Variants in CHD9 observed in about 807,000 individuals in gnomAD.
The protein encoded by CHD9 is chromodomain helicase DNA binding protein 9.
A neutral mutation model predicts 316.1 loss-of-function variants in CHD9; 77 were observed. The observed-to-expected ratio is 0.24, with a 90% CI of 0.20 to 0.29. The LOEUF is 0.29. CHD9 is among the 10% of genes least tolerant of loss of function. The pLI, the probability that CHD9 is intolerant of heterozygous loss-of-function variation, is 1.00. For synonymous variants in CHD9, 1,129 were observed against 1,158.3 expected (o/e 0.97, Z 0.51); for missense variants, 2,763 against 3,438.1 (o/e 0.80, Z 4.91).
chr16:53,118,587 G>T (rs1023231434), intron 1 of CHD9, among the ~76,000 whole-genome samples: 1 of 151,910 alleles, frequency 6.6e-6, no homozygotes, highest in East Asian at 1.9e-4. Flanking sequence ...ATATAACCTA[G>T]AATTAATTTT....
chr16:53,179,270 C>T (rs993646503), intron 2 of CHD9, among the ~76,000 whole-genome samples: 4 of 151,584 alleles, frequency 2.6e-5, no homozygotes, highest in Non-Finnish European at 5.9e-5. Flanking sequence ...TCTATATCAT[C>T]TAAAACCTAA....
intron 36 of CHD9, 33 bp from the exon 37 acceptor site, chr16:53,318,179 C>T: frequency 6.4e-7 from 1 of 1,572,284 alleles, no homozygotes; most frequent in East Asian, 2.3e-5. Context: ...CAGTTAAAGA[C>T]TTTAAAGATA....
At chr16:53,154,636 A>G (rs1404493205) in intron 1 of CHD9, among the ~76,000 whole-genome samples, 2 of 152,210 alleles carry the variant, frequency 1.3e-5, no homozygotes, top group African/African-American at 4.8e-5. Flanking sequence ...AAGGGAGCAC[A>G]GCCTAGATCA....
At chr16:53,060,920 CTTTT>C (rs549828992) in intron 1 of CHD9, among the ~76,000 whole-genome samples, 32 of 99,404 alleles carry the variant, frequency 3.2e-4, no homozygotes, top group Non-Finnish European at 5.4e-4. Flanking sequence ...GATGTTGTCT[CTTTT>C]TTTTTTTTTT....
intron 37 of CHD9, among the ~76,000 whole-genome samples, chr16:53,320,635 C>T (rs2057213070): frequency 6.6e-6 from 1 of 152,068 alleles, no homozygotes; most frequent in Non-Finnish European, 1.5e-5. Flanking sequence ...AGAAATTACT[C>T]AAGAAATATT....
chr16:53,272,413 A>G (rs953372844), intron 22 of CHD9, among the ~76,000 whole-genome samples: 6 of 152,130 alleles, frequency 3.9e-5, no homozygotes, highest in African/African-American at 1.2e-4. Flanking sequence ...CAGTGCTTCA[A>G]TGTACCATTG....
chr16:53,231,045 A>T (rs2048128462), intron 8 of CHD9, among the ~76,000 whole-genome samples: 1 of 152,216 alleles, frequency 6.6e-6, no homozygotes, highest in South Asian at 2.1e-4. Flanking sequence ...TCTTGAGCAC[A>T]AGAACCATCA....
chr16:53,313,248 G>GAA (rs58458452), intron 34 of CHD9, among the ~76,000 whole-genome samples: 202 of 150,610 alleles, frequency 1.3e-3, no homozygotes, highest in African/African-American at 4.4e-3. Context: ...AGTTACTCAT[G>GAA]AAAAAAAAAG....
At chr16:53,115,381 C>G (rs1369888908) in intron 1 of CHD9, among the ~76,000 whole-genome samples, 1 of 152,218 alleles carries the variant, frequency 6.6e-6, no homozygotes, top group East Asian at 1.9e-4. Context: ...TGACCCATCA[C>G]CCCTAAGTCT....
At chr16:53,191,405 A>T (rs1489887038) in intron 2 of CHD9, among the ~76,000 whole-genome samples, 1 of 152,142 alleles carries the variant, frequency 6.6e-6, no homozygotes. Flanking sequence ...ATAAAGAATA[A>T]TTACATCAGC....
At chr16:53,127,919 GC>G (rs2039043069) in intron 1 of CHD9, among the ~76,000 whole-genome samples, 1 of 130,490 alleles carries the variant, frequency 7.7e-6, no homozygotes. Flanking sequence ...CTCCAGCCTG[GC>G]CGACAGAGTG....
chr16:53,310,234 T>A (rs1415988486), intron 34 of CHD9, among the ~76,000 whole-genome samples: 1 of 152,242 alleles, frequency 6.6e-6, no homozygotes, highest in Non-Finnish European at 1.5e-5. Flanking sequence ...ATGCTTCTAT[T>A]ACTGTAGAAT....
At chr16:53,143,723 C>T (rs1270279053) in intron 1 of CHD9, among the ~76,000 whole-genome samples, 2 of 152,070 alleles carry the variant, frequency 1.3e-5, no homozygotes, top group Admixed American at 1.3e-4. Flanking sequence ...TAATAAAACA[C>T]CTAAGGATTT....
At chr16:53,157,681 G>A in intron 2 of CHD9, 140 bp downstream of exon 2, 1 of 781,818 alleles carries the variant, frequency 1.3e-6, no homozygotes, top group Non-Finnish European at 2.0e-6. Context: ...TTTGATATAG[G>A]TTTATATTGT....
intron 1 of CHD9, among the ~76,000 whole-genome samples, chr16:53,137,030 G>A (rs1210312202): frequency 6.6e-6 from 1 of 151,794 alleles, no homozygotes; most frequent in Non-Finnish European, 1.5e-5. Context: ...CTGGAGTGCA[G>A]TGGTGCAATC....
At chr16:53,056,092 T>C (rs1360630162) in intron 1 of CHD9, among the ~76,000 whole-genome samples, 2 of 152,232 alleles carry the variant, frequency 1.3e-5, no homozygotes, top group East Asian at 3.8e-4. Flanking sequence ...GGCCTCACTA[T>C]ATTCCCCAGG....
chr16:53,217,516 AG>A (rs1391657824), intron 3 of CHD9, among the ~76,000 whole-genome samples: 1 of 152,160 alleles, frequency 6.6e-6, no homozygotes, highest in Non-Finnish European at 1.5e-5. Flanking sequence ...GGCTTCCAAA[AG>A]TGCTGGGATC....
intron 1 of CHD9, among the ~76,000 whole-genome samples, chr16:53,083,996 C>T (rs1036724128): frequency 5.3e-5 from 8 of 152,004 alleles, no homozygotes; most frequent in Non-Finnish European, 8.8e-5. Flanking sequence ...ATGATCCTCC[C>T]GCCTCAGCCT....
At chr16:53,269,883 G>A (rs1011477798) in intron 22 of CHD9, among the ~76,000 whole-genome samples, 1 of 152,056 alleles carries the variant, frequency 6.6e-6, no homozygotes, top group East Asian at 1.9e-4. Context: ...ATAGTCTCCC[G>A]CCCCCCACAA....
Sources: gnomAD v4.1 joint callset for allele counts (sites outside exome capture counted in the v4.1 genomes callset) on GRCh38, gnomAD v4.1.1 for gene constraint, MANE v1.5 for transcripts, NCBI Gene and HGNC (gene_info 2026-07-23, HGNC 2026-07-21) for gene names.